DMD: variants seen among roughly 807,000 people sequenced by gnomAD.
DMD encodes dystrophin.
A neutral mutation model predicts 330.1 loss-of-function variants in DMD; 63 were observed. The observed-to-expected ratio is 0.19, with a 90% CI of 0.16 to 0.24. The LOEUF (loss-of-function observed/expected upper bound fraction) is 0.24, where lower values mean the gene tolerates loss of function less well. DMD is among the 10% of genes least tolerant of loss of function. DMD has a pLI of 1.00. For missense variants in DMD, 3,344 were observed against 2,684.1 expected, an observed-to-expected ratio of 1.25 and a Z score of -5.43; for synonymous variants, 1,223 against 959.8, an observed-to-expected ratio of 1.27 and a Z score of -5.07.
At chrX:32,176,130 T>G (rs1283455673) in intron 44 of DMD, among the ~76,000 whole-genome samples, 1 of 112,141 alleles carries the variant, frequency 8.9e-6, no homozygotes, top group Non-Finnish European at 1.9e-5. Flanking sequence ...TGACTCTAGT[T>G]TGTCCATCAG....
intron 55 of DMD, among the ~76,000 whole-genome samples, chrX:31,612,809 T>C (rs1365126394): frequency 2.7e-5 from 3 of 112,257 alleles, no homozygotes; most frequent in Non-Finnish European, 5.6e-5. Flanking sequence ...GTGCTTAAGA[T>C]TTAATTTTAA....
At chrX:33,004,826 G>T (rs953662582) in intron 2 of DMD, among the ~76,000 whole-genome samples, 2 of 111,053 alleles carry the variant, frequency 1.8e-5, no homozygotes, top group African/African-American at 6.5e-5. Context: ...CATAGGTACT[G>T]AAATTTCTTG....
At chrX:32,899,854 A>T (rs777885169) in intron 2 of DMD, among the ~76,000 whole-genome samples, 75 of 111,469 alleles carry the variant, frequency 6.7e-4, no homozygotes, top group African/African-American at 2.2e-3. Flanking sequence ...TAAGAGTTTG[A>T]CTTATTTGTG....
At chrX:32,241,478 G>A (rs1031524189) in intron 43 of DMD, among the ~76,000 whole-genome samples, 2 of 112,034 alleles carry the variant, frequency 1.8e-5, no homozygotes, top group African/African-American at 6.5e-5. Context: ...TTTCTTTCAC[G>A]AATGCAAGCA....
chrX:32,221,117 C>T (rs2097130464), intron 43 of DMD, among the ~76,000 whole-genome samples: 1 of 111,244 alleles, frequency 9.0e-6, no homozygotes, highest in South Asian at 3.7e-4. Context: ...ATTCGGTACT[C>T]TGGGGCATAC....
chrX:32,870,485 A>G (rs1172581722), intron 2 of DMD, among the ~76,000 whole-genome samples: 1 of 112,215 alleles, frequency 8.9e-6, no homozygotes, highest in East Asian at 2.8e-4. Context: ...GACAATCCTA[A>G]GCAAAAATAA....
intron 54 of DMD, among the ~76,000 whole-genome samples, chrX:31,633,079 CTG>C (rs767317827): frequency 6.2e-4 from 69 of 111,704 alleles, no homozygotes; most frequent in African/African-American, 2.2e-3. Context: ...CTTTTCTCCT[CTG>C]TTATGAAACT....
Position 32,565,797 on chromosome X carries a change from T to A in DMD, c.1897A>T (p.Asn633Tyr), listed in dbSNP as rs757047592. 13 of 1,209,001 alleles carry A rather than the reference T, an allele frequency of 1.1e-5. No individual in the cohort carries two copies. The highest frequency in any genetic ancestry group is 1.5e-5 in the Non-Finnish European group (13 of 894,253). The change falls in exon 16 of 79, where the codon AAT becomes TAT. Residue 633 changes from asparagine (N) to tyrosine (Y), a missense_variant. Physicochemically the swap from Asn to Tyr is moderately radical, Grantham distance 143. Coordinates refer to ENST00000357033, the MANE Select transcript of DMD (RefSeq NM_004006.3). Reference sequence around the variant, plus strand: ...TCCGTCTTCTGGGTCACTGACTTATTCTTCAGTGTTGAAAGAAGATCTTGT... The same window carrying A: ...TCCGTCTTCTGGGTCACTGACTTATACTTCAGTGTTGAAAGAAGATCTTGT... ...LKQDLLSTLK[N>Y]KSVTQKTEAW...
At chrX:32,591,912 G>A (rs1235885727) in intron 13 of DMD, among the ~76,000 whole-genome samples, 3 of 112,877 alleles carry the variant, frequency 2.7e-5, no homozygotes, top group Non-Finnish European at 5.6e-5. Flanking sequence ...AAGCAAAGTT[G>A]CGGCCAAGAC....
chrX:32,745,126 T>TTTGGCAAGAAAAAAGTAA lies in DMD; in HGVS notation c.650-45851_650-45834dup, dbSNP rs748385312. ...ACTTAAGGGGGTGATCTCAGTTGTT[T>TTTGGCAAGAAAAAAGTAA]TTGGCAAGAAAAAAGTAATTGGCAA... On this transcript the variant is annotated intron_variant, in intron 7 of 78. Coordinates refer to ENST00000357033, the MANE Select transcript of DMD (RefSeq NM_004006.3). 2.4e-4 allele frequency among the ~76,000 whole-genome samples: 27 copies of TTTGGCAAGAAAAAAGTAA among 111,789 alleles called. No individual in the cohort carries two copies. The East Asian group carries it at 6.0e-3, about 25-fold the overall frequency.
intron 55 of DMD, among the ~76,000 whole-genome samples, chrX:31,607,725 T>C (rs2017138050): frequency 8.9e-6 from 1 of 112,201 alleles, no homozygotes; most frequent in South Asian, 3.6e-4. Flanking sequence ...ACAAGTCTAA[T>C]GTTAAATGAA....
chrX:32,123,568 A>G (rs1463164441), intron 44 of DMD, among the ~76,000 whole-genome samples: 1 of 111,026 alleles, frequency 9.0e-6, no homozygotes, highest in African/African-American at 3.3e-5. Flanking sequence ...CAAAGAATAT[A>G]AAGGTAACTG....
chrX:33,169,653 G>A (rs972164138), intron 1 of DMD, among the ~76,000 whole-genome samples: 5 of 111,355 alleles, frequency 4.5e-5, no homozygotes, highest in Non-Finnish European at 7.6e-5. Flanking sequence ...GTGCTAACAC[G>A]CAGCAAAAAC....
Position 32,392,318 on chromosome X carries a change from G to C in DMD, c.4234-2137C>G, listed in dbSNP as rs143215479. ...CTGTCACCCAGGCTGGAACGCAATAGCACGATCTTGGCTCACTGCAACCTC... is the reference window on the plus strand; with the variant it reads ...CTGTCACCCAGGCTGGAACGCAATACCACGATCTTGGCTCACTGCAACCTC... On this transcript the variant is annotated intron_variant, in intron 30 of 78. Transcript: ENST00000357033. Among the ~76,000 whole-genome samples the C allele has an allele frequency of 4.8e-3, 539 of 111,759 alleles. 1 individual carries two copies. Among genetic ancestry groups the C allele is most frequent in the African/African-American group, 0.016 (495 of 30,785 alleles).
chrX:31,330,688 T>C (rs188520347), intron 61 of DMD, among the ~76,000 whole-genome samples: 248 of 112,334 alleles, frequency 2.2e-3, no homozygotes, highest in African/African-American at 7.7e-3. Context: ...TGTATTTCTA[T>C]CGTTTTCATT....
intron 52 of DMD, among the ~76,000 whole-genome samples, chrX:31,683,715 G>T (rs1335644861): frequency 9.0e-6 from 1 of 111,399 alleles, no homozygotes; most frequent in Non-Finnish European, 1.9e-5. Flanking sequence ...GACTAGAGAA[G>T]GAGGAGGAAT....
intron 55 of DMD, among the ~76,000 whole-genome samples, chrX:31,521,462 C>T: frequency 8.9e-6 from 1 of 112,390 alleles, no homozygotes. Context: ...TGCACCTGGA[C>T]TACATTTTAA....
chrX:33,204,031 TC>T (rs1489258971), intron 1 of DMD, among the ~76,000 whole-genome samples: 1 of 111,453 alleles, frequency 9.0e-6, no homozygotes, highest in Non-Finnish European at 1.9e-5. Context: ...ATCTCCACTG[TC>T]CCCATTCTAG....
chrX:32,405,903 T>C (rs5972558), intron 30 of DMD, among the ~76,000 whole-genome samples: 2,800 of 111,691 alleles, frequency 0.025, 80 homozygotes, highest in African/African-American at 0.084. Context: ...GTTCTTCCAT[T>C]TGTTTGTATC....
Sources: gnomAD v4.1 joint callset for allele counts (sites outside exome capture counted in the v4.1 genomes callset) on GRCh38, gnomAD v4.1.1 for gene constraint, MANE v1.5 for transcripts, NCBI Gene and HGNC (gene_info 2026-07-23, HGNC 2026-07-21) for gene names.